Variants in VPS13B observed in about 807,000 individuals in gnomAD.
VPS13B encodes vacuolar protein sorting 13 homolog B, also known as intermembrane lipid transfer protein VPS13B.
A neutral mutation model predicts 426.4 loss-of-function variants in VPS13B; 285 were observed. The observed-to-expected ratio is 0.67, with a 90% CI of 0.61 to 0.74. The LOEUF (loss-of-function observed/expected upper bound fraction) is 0.74, where lower values mean the gene tolerates loss of function less well. VPS13B is among the 30% of genes least tolerant of loss of function. The probability of loss-of-function intolerance (pLI) is 0.00; values close to 1 mark genes in which losing one functional copy is unlikely to be tolerated. For synonymous variants in VPS13B, 1,676 were observed against 1,676.4 expected (o/e 1.00, Z 0.01); for missense variants, 4,537 against 4,782.6 (o/e 0.95, Z 1.51).
At chr8:99,618,830 T>A (rs1362329411) in intron 33 of VPS13B, among the ~76,000 whole-genome samples, 1 of 152,220 alleles carries the variant, frequency 6.6e-6, no homozygotes, top group Admixed American at 6.5e-5. Flanking sequence ...TGCCTATGGC[T>A]ACAAATAACA....
intron 21 of VPS13B, among the ~76,000 whole-genome samples, chr8:99,425,795 A>G (rs1333929045): frequency 1.3e-5 from 2 of 152,220 alleles, no homozygotes; most frequent in African/African-American, 2.4e-5. Flanking sequence ...TTGGATATCT[A>G]GAAAACCCCA....
chr8:99,337,791 T>C (rs1170694307), intron 19 of VPS13B, among the ~76,000 whole-genome samples: 3 of 152,214 alleles, frequency 2.0e-5, no homozygotes, highest in Admixed American at 2.0e-4. Flanking sequence ...TGGACTTCTC[T>C]ATGAAATCCA....
At chr8:99,418,133 T>C (rs1036603613) in intron 21 of VPS13B, among the ~76,000 whole-genome samples, 3 of 152,118 alleles carry the variant, frequency 2.0e-5, no homozygotes, top group East Asian at 1.9e-4. Flanking sequence ...AGGACTGGGA[T>C]TGTGTTTGTT....
chr8:99,469,168 C>CTTT (rs35646881), intron 24 of VPS13B, among the ~76,000 whole-genome samples: 2 of 127,748 alleles, frequency 1.6e-5, no homozygotes, highest in South Asian at 2.4e-4. Context: ...TCTTTCTTTC[C>CTTT]TTTTTTTTTT....
intron 3 of VPS13B, among the ~76,000 whole-genome samples, chr8:99,050,349 A>G (rs900529869): frequency 6.6e-5 from 10 of 152,140 alleles, no homozygotes; most frequent in Admixed American, 1.3e-4. Context: ...CCATGTCCCT[A>G]CAAAGGACAT....
chr8:99,054,088 TG>T (rs1843709183), intron 3 of VPS13B, among the ~76,000 whole-genome samples: 1 of 152,230 alleles, frequency 6.6e-6, no homozygotes, highest in Non-Finnish European at 1.5e-5. Flanking sequence ...GATGGACACT[TG>T]GGTTGCTTTC....
chr8:99,461,158 GT>G lies in VPS13B; in HGVS notation c.3446-6245del, dbSNP rs34169100. Among the ~76,000 whole-genome samples the G allele has an allele frequency of 3.0e-4, 44 of 148,486 alleles. No individual in the cohort carries two copies. In the East Asian group the frequency reaches 5.7e-3, roughly 19 times the overall value. On this transcript the variant is annotated intron_variant, in intron 23 of 61. Coordinates refer to ENST00000357162, the MANE Select transcript of VPS13B (RefSeq NM_152564.5). ...TCTCAAGCTACTTCATGTATTACTA[GT>G]TTTTTTTTTTAAATATTTAGCCTGG...
intron 17 of VPS13B, among the ~76,000 whole-genome samples, chr8:99,250,664 C>CTT (rs60698750): frequency 5.6e-5 from 2 of 35,804 alleles, no homozygotes; most frequent in African/African-American, 1.3e-4. Flanking sequence ...TGTGTTTATT[C>CTT]TTTTTTTTTT....
intron 54 of VPS13B, among the ~76,000 whole-genome samples, chr8:99,848,113 T>C (rs1421312478): frequency 6.6e-6 from 1 of 152,236 alleles, no homozygotes; most frequent in Non-Finnish European, 1.5e-5. Flanking sequence ...AGCAACTCAC[T>C]ATTTAATACT....
At chr8:99,720,064 A>G (rs960112396) in intron 37 of VPS13B, among the ~76,000 whole-genome samples, 1 of 152,174 alleles carries the variant, frequency 6.6e-6, no homozygotes, top group African/African-American at 2.4e-5. Flanking sequence ...AGCTAAATTA[A>G]TTCATAAACA....
rs764801436 is a variant in VPS13B at position 99,875,679 on chromosome 8, G to GTGTT, written c.*15_*18dup. 1.3e-4 allele frequency: 204 copies of GTGTT among 1,613,790 alleles called. No individual in the cohort carries two copies. Among genetic ancestry groups the GTGTT allele is most frequent in the Admixed American group, 9.7e-4 (58 of 60,010 alleles). Reference sequence around the variant, plus strand: ...AGGGTTTCCTTGAGTCCCCTCTGAGGTGTTTATTCCTGCTTGTGTGATTTA... The same window carrying GTGTT: ...AGGGTTTCCTTGAGTCCCCTCTGAGGTGTTTGTTTATTCCTGCTTGTGTGATTTA... On this transcript the variant is annotated 3_prime_UTR_variant, in exon 62 of 62. Coordinates refer to ENST00000357162, the MANE Select transcript of VPS13B (RefSeq NM_152564.5).
At chr8:99,575,538 T>G in intron 31 of VPS13B, 120 bp from the exon 32 acceptor site, 1 of 1,257,032 alleles carries the variant, frequency 8.0e-7, no homozygotes, top group Non-Finnish European at 1.1e-6. Context: ...AAATAGGCAC[T>G]CTCAAAATAA....
chr8:99,766,712 T>C, intron 39 of VPS13B, 62 bp from the exon 40 acceptor site: 3 of 1,406,512 alleles, frequency 2.1e-6, no homozygotes, highest in Non-Finnish European at 2.9e-6. Context: ...AATTTGAATT[T>C]CAACAAATAT....
At chr8:99,567,306 A>G (rs1035781304) in intron 31 of VPS13B, among the ~76,000 whole-genome samples, 11 of 152,226 alleles carry the variant, frequency 7.2e-5, no homozygotes, top group Non-Finnish European at 1.6e-4. Flanking sequence ...AATCAGAGCT[A>G]TTATCCATTG....
At chr8:99,246,284 C>T (rs1817214907) in intron 17 of VPS13B, among the ~76,000 whole-genome samples, 1 of 152,196 alleles carries the variant, frequency 6.6e-6, no homozygotes, top group African/African-American at 2.4e-5. Context: ...GAGGATGGGG[C>T]CTGGATGTTG....
chr8:99,109,144 G>A (rs1328346625), intron 5 of VPS13B, among the ~76,000 whole-genome samples: 1 of 151,956 alleles, frequency 6.6e-6, no homozygotes, highest in Non-Finnish European at 1.5e-5. Context: ...ATATATTGGT[G>A]TATATAGTTG....
Position 99,876,367 on chromosome 8 carries a change from A to AT in VPS13B, c.*702dup, listed in dbSNP as rs200421894. On this transcript the variant is annotated 3_prime_UTR_variant, in exon 62 of 62. Transcript: ENST00000357162. ...TTTTACTAAAATTTACAACAGTCTGATGATTGATTGATTACTGTCCAGGTA... is the reference window on the plus strand; with the variant it reads ...TTTTACTAAAATTTACAACAGTCTGATTGATTGATTGATTACTGTCCAGGTA... The AT allele has an allele frequency of 0.037, 3,619 of 97,844 alleles. 52 individuals are homozygous for AT. Among genetic ancestry groups the AT allele is most frequent in the Middle Eastern group, 0.046 (10 of 218 alleles). The allele number at this position is 97,844 out of a possible 1,614,324, so 6.1% of individuals were successfully genotyped here. A position where few individuals can be genotyped will look rare whatever the true frequency, so the allele number is the denominator to read the frequency against.
At chr8:99,176,016 GTGAGCAGTCCC>G (rs1292553207) in intron 16 of VPS13B, among the ~76,000 whole-genome samples, 1 of 152,150 alleles carries the variant, frequency 6.6e-6, no homozygotes, top group Non-Finnish European at 1.5e-5. Context: ...GCATCTCCAT[GTGAGCAGTCCC>G]TGAGCAGTTC....
chr8:99,859,520 T>TC, intron 57 of VPS13B, 40 bp downstream of exon 57: 1 of 1,581,874 alleles, frequency 6.3e-7, no homozygotes, highest in South Asian at 1.1e-5. Flanking sequence ...CTTCACTCCT[T>TC]CCCTTTTTTT....
Sources: gnomAD v4.1 joint callset for allele counts (sites outside exome capture counted in the v4.1 genomes callset) on GRCh38, gnomAD v4.1.1 for gene constraint, MANE v1.5 for transcripts, NCBI Gene and HGNC (gene_info 2026-07-23, HGNC 2026-07-21) for gene names.